SRD5A1: variants seen among roughly 807,000 people sequenced by gnomAD.
SRD5A1 encodes steroid 5 alpha-reductase 1.
Under a neutral mutation model 28.2 loss-of-function variants are expected in SRD5A1, and 22 were observed. That is an observed-to-expected ratio of 0.78 (90% CI 0.56 to 1.12). The LOEUF is 1.12. Among genes scored for constraint, SRD5A1 ranks in the 50% most tolerant of loss-of-function variants. The pLI, the probability that SRD5A1 is intolerant of heterozygous loss-of-function variation, is 0.00. For synonymous variants in SRD5A1, 151 were observed against 135.0 expected, an observed-to-expected ratio of 1.12 and a Z score of -0.82; for missense variants, 300 against 346.7, an observed-to-expected ratio of 0.87 and a Z score of 1.07.
chr5:6,634,834 T>C (rs1738131027), intron 1 of SRD5A1, among the ~76,000 whole-genome samples: 6 of 152,260 alleles, frequency 3.9e-5, no homozygotes. Flanking sequence ...CTTTTGGCTT[T>C]TACACAGCCA....
chr5:6,646,175 C>T (rs1738506503), intron 1 of SRD5A1, among the ~76,000 whole-genome samples: 1 of 152,186 alleles, frequency 6.6e-6, no homozygotes, highest in Non-Finnish European at 1.5e-5. Flanking sequence ...GATATGAACT[C>T]ATCCTTTTTT....
intron 1 of SRD5A1, among the ~76,000 whole-genome samples, chr5:6,646,585 G>C (rs1205453931): frequency 6.6e-6 from 1 of 152,172 alleles, no homozygotes; most frequent in Non-Finnish European, 1.5e-5. Flanking sequence ...AGTATTCTCT[G>C]ATGGTAGTTT....
At chr5:6,651,815 A>T (rs1738678499) in intron 1 of SRD5A1, 27 bp from the exon 2 acceptor site, 1 of 1,556,972 alleles carries the variant, frequency 6.4e-7, no homozygotes, top group Non-Finnish European at 8.7e-7. Context: ...TTTTTTAAAA[A>T]ATTGTGCCTG....
In SRD5A1 at chr5:6,672,472, AC is replaced by A. The variant is rs1739390136; in HGVS notation, c.*4206del. ...GTATTTTTAGTAGAGACAGGGTTTCACCATGTTGTCCAGGCTGGTCTTGAAC... is the reference window on the plus strand; with the variant it reads ...GTATTTTTAGTAGAGACAGGGTTTCACATGTTGTCCAGGCTGGTCTTGAAC... On this transcript the variant is annotated 3_prime_UTR_variant, in exon 5 of 5. Coordinates refer to ENST00000274192, the MANE Select transcript of SRD5A1 (RefSeq NM_001047.4). The A allele has an allele frequency of 6.6e-6, 1 of 152,152 alleles. No homozygotes were observed. The highest frequency in any genetic ancestry group is 2.1e-4 in the South Asian group (1 of 4,822). The allele number at this position is 152,152 out of a possible 1,614,324, so 9.4% of individuals were successfully genotyped here.
rs1447748276 is a variant in SRD5A1, at chr5:6,670,683, T to C, written c.*2415T>C. The C allele has an allele frequency of 6.6e-6, 1 of 152,124 alleles. No homozygotes were observed. Among genetic ancestry groups the C allele is most frequent in the Non-Finnish European group, 1.5e-5 (1 of 68,040 alleles). The allele number at this position is 152,124 out of a possible 1,614,324, so 9.4% of individuals were successfully genotyped here. A position where few individuals can be genotyped will look rare whatever the true frequency, so the allele number is the denominator to read the frequency against. ...AGAAACAAGTAAGTAGCTAAAATAA[T>C]GTTAGGTAGAAAAAAATAACAAGAA... On this transcript the variant is annotated 3_prime_UTR_variant, in exon 5 of 5. Transcript: ENST00000274192.
chr5:6,663,660 G>A (rs1344247099), intron 4 of SRD5A1, among the ~76,000 whole-genome samples: 1 of 152,188 alleles, frequency 6.6e-6, no homozygotes, highest in Non-Finnish European at 1.5e-5. Flanking sequence ...AGGAGTTCAA[G>A]ACTCACCTGG....
At chr5:6,650,890 G>A (rs986349492) in intron 1 of SRD5A1, among the ~76,000 whole-genome samples, 3 of 149,840 alleles carry the variant, frequency 2.0e-5, no homozygotes, top group Non-Finnish European at 3.0e-5. Context: ...GAGAATATGC[G>A]GTGTTTGGTT....
chr5:6,634,015 T>C, intron 1 of SRD5A1, 146 bp downstream of exon 1: 1 of 830,552 alleles, frequency 1.2e-6, no homozygotes, highest in Admixed American at 2.8e-5. Context: ...GTCCCCCATC[T>C]GCACGGGTGC....
chr5:6,672,395 C>G lies in SRD5A1; in HGVS notation c.*4127C>G, dbSNP rs985390979. 6 of 152,304 alleles carry G rather than the reference C, an allele frequency of 3.9e-5. No homozygotes were observed. The highest frequency in any genetic ancestry group is 3.9e-4 in the Admixed American group (6 of 15,280). The allele number at this position is 152,304 out of a possible 1,614,324, so 9.4% of individuals were successfully genotyped here. A position where few individuals can be genotyped will look rare whatever the true frequency, so the allele number is the denominator to read the frequency against. On this transcript the variant is annotated 3_prime_UTR_variant, in exon 5 of 5. Coordinates refer to ENST00000274192, the MANE Select transcript of SRD5A1 (RefSeq NM_001047.4). ...GGTTCAAACAATTCTTCTGCCTCAG[C>G]CTCCCGAGTAGCTGGGATTACAGGT...
chr5:6,637,117 C>T (rs1006387136), intron 1 of SRD5A1, among the ~76,000 whole-genome samples: 6 of 152,138 alleles, frequency 3.9e-5, no homozygotes, highest in African/African-American at 1.4e-4. Flanking sequence ...GGCAGCGTCT[C>T]ACTGGGGCCC....
chr5:6,640,591 TC>T (rs1244458111), intron 1 of SRD5A1, among the ~76,000 whole-genome samples: 2 of 151,676 alleles, frequency 1.3e-5, no homozygotes, highest in African/African-American at 4.8e-5. Context: ...GTCTCGGAAC[TC>T]CTGGGCTCAA....
intron 1 of SRD5A1, among the ~76,000 whole-genome samples, chr5:6,650,789 C>T (rs1579403876): frequency 7.6e-6 from 1 of 131,028 alleles, no homozygotes; most frequent in South Asian, 3.1e-4. Context: ...CTATCCCTCC[C>T]CCCTCCCCCC....
chr5:6,633,979 C>T (rs2126519485), intron 1 of SRD5A1, 110 bp downstream of exon 1: 2 of 1,175,978 alleles, frequency 1.7e-6, no homozygotes, highest in Non-Finnish European at 1.2e-6. Flanking sequence ...ACCCAGATGC[C>T]CTCTCCCTGC....
chr5:6,664,654 C>A (rs1739108175), intron 4 of SRD5A1, among the ~76,000 whole-genome samples: 1 of 152,248 alleles, frequency 6.6e-6, no homozygotes, highest in Non-Finnish European at 1.5e-5. Context: ...AATCCTCACA[C>A]CTCAGCCTCC....
intron 3 of SRD5A1, among the ~76,000 whole-genome samples, chr5:6,656,946 G>A (rs1261144711): frequency 6.6e-6 from 1 of 152,178 alleles, no homozygotes; most frequent in Non-Finnish European, 1.5e-5. Context: ...TAGAATTAAT[G>A]GAAACATTAT....
chr5:6,635,222 C>T (rs1208316625), intron 1 of SRD5A1, among the ~76,000 whole-genome samples: 4 of 152,152 alleles, frequency 2.6e-5, no homozygotes, highest in Admixed American at 6.5e-5. Flanking sequence ...CCTCAGTGTG[C>T]TTTGATGACT....
At chr5:6,662,766 G>A (rs1453091268) in intron 3 of SRD5A1, 50 bp from the exon 4 acceptor site, 14 of 1,584,482 alleles carry the variant, frequency 8.8e-6, no homozygotes, top group African/African-American at 1.3e-5. Context: ...TCTGAAGTCC[G>A]TATTTCATTT....
intron 1 of SRD5A1, among the ~76,000 whole-genome samples, chr5:6,634,461 C>T (rs1012610170): frequency 2.6e-5 from 4 of 152,138 alleles, no homozygotes; most frequent in East Asian, 1.9e-4. Context: ...TGCTGATGGT[C>T]GGTCTTGAGG....
At position 6,673,423 on chromosome 5, in the gene SRD5A1, C is replaced by T. The variant is rs28434783; in HGVS notation, c.*5155C>T. The T allele has an allele frequency of 0.093, 14,195 of 152,260 alleles. 1,609 individuals carry two copies. Among genetic ancestry groups the T allele is most frequent in the African/African-American group, 0.27 (11,248 of 41,534 alleles). 9.4% of individuals were successfully genotyped at this position (152,260 alleles called of 1,614,324 possible). The stretch of plus-strand genomic sequence containing the variant: ...ATCAGAATGGCCAAAATCCAGAAGA[C>T]TGACATCACCAATGCTAGTGAGAAT... On this transcript the variant is annotated 3_prime_UTR_variant, in exon 5 of 5. Transcript: ENST00000274192.
Sources: gnomAD v4.1 joint callset for allele counts (sites outside exome capture counted in the v4.1 genomes callset) on GRCh38, gnomAD v4.1.1 for gene constraint, MANE v1.5 for transcripts, NCBI Gene and HGNC (gene_info 2026-07-23, HGNC 2026-07-21) for gene names.